NKD1: variants seen among roughly 807,000 people sequenced by gnomAD.
NKD1 encodes protein naked cuticle homolog 1.
NKD1 carries 21 observed loss-of-function variants against 56.0 expected under a neutral mutation model. The ratio of observed to expected loss-of-function variants is 0.38; its 90% CI spans 0.27 to 0.54. The LOEUF is 0.54. Ranked by LOEUF, NKD1 falls within the 20% of genes least tolerant of loss-of-function variation. The pLI is 0.82. For missense variants in NKD1, 578 were observed against 642.7 expected (o/e 0.90, Z 1.09); for synonymous variants, 263 against 265.7 (o/e 0.99, Z 0.10).
chr16:50,589,761 TCTCTCCTCTCCTCTCCTCTCCTCTC>T (rs59102405), intron 3 of NKD1, among the ~76,000 whole-genome samples: 3 of 47,828 alleles, frequency 6.3e-5, no homozygotes, highest in Non-Finnish European at 8.3e-5. Context: ...TCTCTTCTCT[TCTCTCCTCTCCTCTCCTCTCCTCTC>T]CTCTCCTCTC....
At chr16:50,548,681 T>TGCCGCC (rs544250205) in intron 1 of NKD1, 36 bp from the exon 2 acceptor site, 14 of 1,460,700 alleles carry the variant, frequency 9.6e-6, no homozygotes, top group South Asian at 1.3e-5. Flanking sequence ...CCGCCGCGGC[T>TGCCGCC]GCCGCCGCCG....
intron 6 of NKD1, among the ~76,000 whole-genome samples, chr16:50,626,928 C>T (rs183961031): frequency 1.0e-3 from 159 of 152,218 alleles, no homozygotes; most frequent in African/African-American, 3.7e-3. Flanking sequence ...TGACTGGTCT[C>T]CTCATCCTGG....
At chr16:50,571,665 ACT>A (rs1960886823) in intron 3 of NKD1, 2 of 317,132 alleles carry the variant, frequency 6.3e-6, no homozygotes, top group African/African-American at 2.3e-5. Context: ...TCAATCTATG[ACT>A]CTGTGAATCT....
rs1485862037 is a variant in NKD1, at chr16:50,640,334, AG to A, written c.*6555del. 1 of 152,208 alleles carries A rather than the reference AG, an allele frequency of 6.6e-6. No homozygotes were observed. Among genetic ancestry groups the A allele is most frequent in the Non-Finnish European group, 1.5e-5 (1 of 68,060 alleles). 9.4% of individuals were successfully genotyped at this position (152,208 alleles called of 1,614,324 possible). ...TGTTCTTCTAAAATAATTCTTTTCTAGGTATTTCTGATTGCAAAATTCTGGA... is the reference window on the plus strand; with the variant it reads ...TGTTCTTCTAAAATAATTCTTTTCTAGTATTTCTGATTGCAAAATTCTGGA... On this transcript the variant is annotated 3_prime_UTR_variant, in exon 10 of 10. Transcript: ENST00000268459.
At chr16:50,558,870 T>C (rs1960561587) in intron 3 of NKD1, among the ~76,000 whole-genome samples, 1 of 151,978 alleles carries the variant, frequency 6.6e-6, no homozygotes, top group African/African-American at 2.4e-5. Context: ...GATCGTGCCA[T>C]TGCACTCCAG....
chr16:50,648,794 C>T lies in NKD1; in HGVS notation c.*15013C>T, dbSNP rs1368888951. The T allele has an allele frequency of 6.6e-6, 1 of 152,208 alleles. No individual in the cohort carries two copies. The highest frequency in any genetic ancestry group is 1.5e-5 in the Non-Finnish European group (1 of 68,044). The allele number at this position is 152,208 out of a possible 1,614,324, so 9.4% of individuals were successfully genotyped here. A position where few individuals can be genotyped will look rare whatever the true frequency, so the allele number is the denominator to read the frequency against. On this transcript the variant is annotated 3_prime_UTR_variant, in exon 10 of 10. Coordinates refer to ENST00000268459, the MANE Select transcript of NKD1 (RefSeq NM_033119.5). ...AAGAGAGCTTGTTTATACCTATTGTCATCTCTGTTCTTCTGTGCCCCTTCT... is the reference window on the plus strand; with the variant it reads ...AAGAGAGCTTGTTTATACCTATTGTTATCTCTGTTCTTCTGTGCCCCTTCT...
rs373067488 is a variant in NKD1, at chr16:50,632,438, G to A, written c.823+30G>A. The A allele has an allele frequency of 1.6e-4, 253 of 1,613,392 alleles. No individual in the cohort carries two copies. Among genetic ancestry groups the A allele is most frequent in the Non-Finnish European group, 2.0e-4 (237 of 1,179,530 alleles). On this transcript the variant is annotated intron_variant, in intron 9 of 9. Coordinates refer to ENST00000268459, the MANE Select transcript of NKD1 (RefSeq NM_033119.5). This position sits in a 1 kb window ranked among gnomAD's most constrained non-coding sequence, Gnocchi z 4.1. The stretch of plus-strand genomic sequence containing the variant: ...GGGACTCAAGCACCCTGCAATGGGC[G>A]ATGAGGGCAGGGCGTGGCTGGACGG...
intron 3 of NKD1, chr16:50,558,748 A>G (rs1960557965): frequency 6.6e-6 from 1 of 151,568 alleles, no homozygotes; most frequent in Non-Finnish European, 1.5e-5. Context: ...AAAGAAAAGA[A>G]AGAAAAAAAA....
At chr16:50,556,674 C>T (rs1005660503) in intron 3 of NKD1, 1 of 151,570 alleles carries the variant, frequency 6.6e-6, no homozygotes, top group African/African-American at 2.4e-5. Flanking sequence ...AGAATAACAT[C>T]ATGATAATTT....
rs1369652539 is a variant in NKD1 at position 50,632,621 on chromosome 16, C to T, written c.823+213C>T. On this transcript the variant is annotated intron_variant, in intron 9 of 9. Coordinates refer to ENST00000268459, the MANE Select transcript of NKD1 (RefSeq NM_033119.5). The surrounding 1 kb of genome is among the most constrained non-coding windows in gnomAD (Gnocchi z 4.1). ...GAAATCGAACAAAATCCAATAGTAT[C>T]TAAAGGCTTAGCACCCAATGACAAA... Among the ~76,000 whole-genome samples the T allele has an allele frequency of 1.3e-5, 2 of 152,220 alleles. No homozygotes were observed. Among genetic ancestry groups the T allele is most frequent in the Admixed American group, 1.3e-4 (2 of 15,286 alleles).
chr16:50,568,409 C>T (rs1038687617), intron 3 of NKD1, among the ~76,000 whole-genome samples: 29 of 152,348 alleles, frequency 1.9e-4, no homozygotes, highest in African/African-American at 6.7e-4. Flanking sequence ...GCTGCCATTT[C>T]CCAGCCATGT....
chr16:50,585,749 TGGGAGTTTG>T (rs1961215139), intron 3 of NKD1, among the ~76,000 whole-genome samples: 1 of 152,184 alleles, frequency 6.6e-6, no homozygotes, highest in Admixed American at 6.5e-5. Flanking sequence ...TTGTTTCCAT[TGGGAGTTTG>T]GTAATAGTAA....
At chr16:50,610,550 C>A (rs1961821901) in intron 4 of NKD1, among the ~76,000 whole-genome samples, 1 of 152,248 alleles carries the variant, frequency 6.6e-6, no homozygotes, top group Non-Finnish European at 1.5e-5. Context: ...TGAGGGGTCC[C>A]TCTGTGCTAC....
intron 3 of NKD1, among the ~76,000 whole-genome samples, chr16:50,566,990 G>A (rs1960773040): frequency 2.0e-5 from 3 of 150,710 alleles, no homozygotes; most frequent in Non-Finnish European, 3.0e-5. Context: ...AGGAACTCCT[G>A]TTTTAGTTTT....
chr16:50,637,737 G>A lies in NKD1; in HGVS notation c.*3956G>A, dbSNP rs1007012089. ...CAGGCTGGTATGGGTGAGAGGTTTG[G>A]TCTTGTTTGCAAATCTTCTGAAGGC... On this transcript the variant is annotated 3_prime_UTR_variant, in exon 10 of 10. Coordinates refer to ENST00000268459, the MANE Select transcript of NKD1 (RefSeq NM_033119.5). The A allele has an allele frequency of 6.6e-6, 1 of 152,214 alleles. No individual in the cohort carries two copies. The highest frequency in any genetic ancestry group is 1.5e-5 in the Non-Finnish European group (1 of 68,044). 9.4% of individuals were successfully genotyped at this position (152,214 alleles called of 1,614,324 possible). A position where few individuals can be genotyped will look rare whatever the true frequency, so the allele number is the denominator to read the frequency against.
chr16:50,614,356 A>ACATG (rs1961915084), intron 4 of NKD1, among the ~76,000 whole-genome samples: 1 of 152,178 alleles, frequency 6.6e-6, no homozygotes, highest in African/African-American at 2.4e-5. Flanking sequence ...TGTCATGGAC[A>ACATG]CATGCACGCA....
chr16:50,627,133 C>T (rs896851814), intron 6 of NKD1, among the ~76,000 whole-genome samples: 1 of 151,982 alleles, frequency 6.6e-6, no homozygotes, highest in Middle Eastern at 3.2e-3. Flanking sequence ...AATACATGCT[C>T]CAACTGCTGT....
At chr16:50,583,089 G>T (rs1267613281) in intron 3 of NKD1, among the ~76,000 whole-genome samples, 1 of 152,192 alleles carries the variant, frequency 6.6e-6, no homozygotes, top group Admixed American at 6.5e-5. Context: ...CCGCGTGTAG[G>T]AGGTGAGAGG....
chr16:50,633,396 A>G lies in NKD1; in HGVS notation c.1028A>G (p.Lys343Arg). The stretch of plus-strand genomic sequence containing the variant: ...CTCCGGGGCACCCAGGACGGGAGCA[A>G]GCACTTTGTGAGGTCCCCCAAGGCC... ...QRLRGTQDGS[K>R]HFVRSPKAQG... Residue 343 changes from lysine to arginine, a missense_variant, in exon 10 of 10, where the codon AAG (lysine) becomes AGG (arginine). Transcript: ENST00000268459. This position sits in a 1 kb window ranked among gnomAD's most constrained non-coding sequence, Gnocchi z 4.9. 10 of 1,613,922 alleles carry G rather than the reference A, an allele frequency of 6.2e-6. No homozygotes were observed. The highest frequency in any genetic ancestry group is 1.3e-5 in the African/African-American group (1 of 75,060).
Sources: gnomAD v4.1 joint callset for allele counts (sites outside exome capture counted in the v4.1 genomes callset) on GRCh38, gnomAD v4.1.1 for gene constraint, Gnocchi (gnomAD v3.1) non-coding constraint, MANE v1.5 for transcripts, NCBI Gene and HGNC (gene_info 2026-07-23, HGNC 2026-07-21) for gene names.